The following RNF169 variants were observed in gnomAD, a reference collection of about 807,000 sequenced individuals.
The protein encoded by RNF169 is ring finger protein 169, also known as E3 ubiquitin-protein ligase RNF169.
In RNF169, 24 loss-of-function variants were observed where a neutral mutation model predicts 53.9. The observed-to-expected ratio is 0.45, with a 90% CI of 0.32 to 0.63. The LOEUF is 0.63. Ranked by LOEUF, RNF169 falls within the 20% of genes least tolerant of loss-of-function variation. The pLI is 0.04. For missense variants in RNF169, 883 were observed against 906.2 expected (o/e 0.97, Z 0.33); for synonymous variants, 396 against 363.5 (o/e 1.09, Z -1.02).
At chr11:74,769,862 C>A (rs955548205) in intron 1 of RNF169, among the ~76,000 whole-genome samples, 2 of 152,200 alleles carry the variant, frequency 1.3e-5, no homozygotes, top group Non-Finnish European at 2.9e-5. Context: ...GTGATGAAAT[C>A]ATGGCACATT....
At position 74,749,077 on chromosome 11, in the gene RNF169, C is replaced by T. The variant is rs1254463990; in HGVS notation, c.197C>T (p.Ser66Leu). 3.4e-6 allele frequency: 5 copies of T among 1,452,942 alleles called. No homozygotes were observed. Among genetic ancestry groups the T allele is most frequent in the Admixed American group, 4.8e-5 (2 of 41,536 alleles). 90.0% of individuals were successfully genotyped at this position (1,452,942 alleles called of 1,614,324 possible). A position where few individuals can be genotyped will look rare whatever the true frequency, so the allele number is the denominator to read the frequency against. ...QPPLPPRPEE[S>L]GCAGCLEPPG... ...CCGCTGCCGCCGCGGCCGGAGGAAT[C>T]GGGCTGCGCCGGGTGCCTGGAGCCC... The change falls in exon 1 of 6, where the codon TCG becomes TTG. Residue 66 changes from serine (S) to leucine (L), a missense_variant. Transcript: ENST00000299563.
intron 1 of RNF169, among the ~76,000 whole-genome samples, chr11:74,767,375 A>G (rs2035190134): frequency 6.6e-6 from 1 of 152,086 alleles, no homozygotes; most frequent in Non-Finnish European, 1.5e-5. Context: ...AAAAAAAACT[A>G]GAACATGTGG....
intron 1 of RNF169, among the ~76,000 whole-genome samples, chr11:74,785,114 TAGAC>T (rs560503779): frequency 6.8e-5 from 10 of 147,938 alleles, no homozygotes; most frequent in African/African-American, 1.5e-4. Flanking sequence ...CCCCATTTGA[TAGAC>T]AGGAAGACTA....
intron 1 of RNF169, among the ~76,000 whole-genome samples, chr11:74,786,848 A>G (rs1358605167): frequency 6.6e-6 from 1 of 152,238 alleles, no homozygotes; most frequent in Non-Finnish European, 1.5e-5. Context: ...CTTACTGTGT[A>G]AAAAATGAAA....
At chr11:74,765,039 C>G (rs2035150698) in intron 1 of RNF169, among the ~76,000 whole-genome samples, 1 of 152,048 alleles carries the variant, frequency 6.6e-6, no homozygotes, top group South Asian at 2.1e-4. Flanking sequence ...AAATGAGACC[C>G]TGTCTCTACT....
rs966358288 is a variant in RNF169, at chr11:74,837,508, C to G, written c.*778C>G. ...GTGTGCCAGGGGAGCCTAGGGGAAGCTAGGCTGGGCATTGAACACTGATAG... is the reference window on the plus strand; with the variant it reads ...GTGTGCCAGGGGAGCCTAGGGGAAGGTAGGCTGGGCATTGAACACTGATAG... On this transcript the variant is annotated 3_prime_UTR_variant, in exon 6 of 6. Transcript: ENST00000299563. 3.9e-5 allele frequency: 6 copies of G among 152,216 alleles called. No individual in the cohort carries two copies. The highest frequency in any genetic ancestry group is 1.4e-4 in the African/African-American group (6 of 41,462). 9.4% of individuals were successfully genotyped at this position (152,216 alleles called of 1,614,324 possible).
At chr11:74,804,095 G>C (rs1177163563) in intron 2 of RNF169, among the ~76,000 whole-genome samples, 1 of 152,156 alleles carries the variant, frequency 6.6e-6, no homozygotes, top group Non-Finnish European at 1.5e-5. Context: ...CCCCATATCT[G>C]TGTGGGTTTT....
rs979040262 is a variant in RNF169, at chr11:74,822,568, C to A, written c.842+4854C>A. ...TATGGCAGAGTAGAGTAAGTTAGATCAGTATGCTGTGGTGCAAAGAGCACA... is the reference window on the plus strand; with the variant it reads ...TATGGCAGAGTAGAGTAAGTTAGATAAGTATGCTGTGGTGCAAAGAGCACA... On this transcript the variant is annotated intron_variant, in intron 4 of 5. Transcript: ENST00000299563. Among the ~76,000 whole-genome samples the A allele has an allele frequency of 2.8e-4, 43 of 152,162 alleles. 1 individual carries two copies. Among genetic ancestry groups the A allele is most frequent in the Non-Finnish European group, 1.2e-4 (8 of 68,032 alleles).
At chr11:74,784,170 T>A (rs1394171599) in intron 1 of RNF169, among the ~76,000 whole-genome samples, 2 of 152,198 alleles carry the variant, frequency 1.3e-5, no homozygotes, top group Admixed American at 6.5e-5. Flanking sequence ...TAATGGAGAT[T>A]TAAAAAATTT....
At chr11:74,773,914 T>C (rs1289931457) in intron 1 of RNF169, among the ~76,000 whole-genome samples, 1 of 152,220 alleles carries the variant, frequency 6.6e-6, no homozygotes, top group Non-Finnish European at 1.5e-5. Context: ...CTAATAAATA[T>C]TAGCTGTTAT....
chr11:74,832,642 G>A (rs1488653005), intron 4 of RNF169: 1 of 152,066 alleles, frequency 6.6e-6, no homozygotes, highest in Non-Finnish European at 1.5e-5. Flanking sequence ...TCTATTGAAA[G>A]TTAAAAAAGT....
chr11:74,830,817 A>G (rs977968680), intron 4 of RNF169: 2 of 152,194 alleles, frequency 1.3e-5, no homozygotes, highest in African/African-American at 2.4e-5. Flanking sequence ...TAAAAGAATT[A>G]TATACCATGA....
intron 1 of RNF169, among the ~76,000 whole-genome samples, chr11:74,753,967 G>C (rs966178018): frequency 1.7e-4 from 26 of 152,112 alleles, no homozygotes; most frequent in Non-Finnish European, 3.1e-4. Context: ...TTGTGAAACT[G>C]TGTGTGTAAA....
intron 2 of RNF169, among the ~76,000 whole-genome samples, chr11:74,792,768 G>T (rs2035596406): frequency 6.6e-6 from 1 of 152,228 alleles, no homozygotes; most frequent in African/African-American, 2.4e-5. Flanking sequence ...TTGTGTTCCT[G>T]TTAGAGGAGA....
intron 1 of RNF169, among the ~76,000 whole-genome samples, chr11:74,774,359 C>A (rs1267962046): frequency 6.6e-6 from 1 of 150,618 alleles, no homozygotes; most frequent in African/African-American, 2.4e-5. Context: ...AAAAAAAAAC[C>A]CAAAAAAACA....
At chr11:74,750,424 G>A (rs1002384655) in intron 1 of RNF169, among the ~76,000 whole-genome samples, 5 of 152,136 alleles carry the variant, frequency 3.3e-5, no homozygotes, top group African/African-American at 1.2e-4. Flanking sequence ...CATTGCTTGT[G>A]TATACAAGTG....
At chr11:74,821,453 T>G (rs2036008791) in intron 4 of RNF169, among the ~76,000 whole-genome samples, 1 of 71,674 alleles carries the variant, frequency 1.4e-5, no homozygotes, top group African/African-American at 1.4e-4. Context: ...GGTCAGGAGA[T>G]CGAGACCATC....
At chr11:74,763,172 A>G (rs561900691) in intron 1 of RNF169, among the ~76,000 whole-genome samples, 9 of 152,358 alleles carry the variant, frequency 5.9e-5, no homozygotes, top group Non-Finnish European at 8.8e-5. Flanking sequence ...AACTGGGTTT[A>G]TATTATATGG....
At chr11:74,815,027 G>A (rs2035924751) in intron 3 of RNF169, among the ~76,000 whole-genome samples, 1 of 152,122 alleles carries the variant, frequency 6.6e-6, no homozygotes, top group Admixed American at 6.5e-5. Flanking sequence ...CCAACTTTGA[G>A]TATTATCTTT....
Sources: allele counts gnomAD v4.1 joint callset (sites outside exome capture counted in the v4.1 genomes callset), GRCh38; gene constraint gnomAD v4.1.1; transcripts MANE v1.5; gene names NCBI Gene and HGNC (gene_info 2026-07-23, HGNC 2026-07-21).